The following BAIAP2 variants were observed in gnomAD, a reference collection of about 807,000 sequenced individuals.
BAIAP2 encodes the protein BAR/IMD domain containing adaptor protein 2, also known as BAR/IMD domain-containing adapter protein 2.
In BAIAP2, 18 loss-of-function variants were observed where a neutral mutation model predicts 63.0. That is an observed-to-expected ratio of 0.29 (90% CI 0.20 to 0.42). BAIAP2 has a LOEUF of 0.42. BAIAP2 is among the 10% of genes least tolerant of loss of function. The probability of loss-of-function intolerance (pLI) is 1.00; values close to 1 mark genes in which losing one functional copy is unlikely to be tolerated. For missense variants in BAIAP2, 610 were observed against 734.3 expected, an observed-to-expected ratio of 0.83 and a Z score of 1.96; for synonymous variants, 386 against 307.6, an observed-to-expected ratio of 1.25 and a Z score of -2.67.
intron 4 of BAIAP2, chr17:81,085,160 C>G (rs910211798): frequency 5.4e-6 from 3 of 554,872 alleles, no homozygotes; most frequent in African/African-American, 3.8e-5. Context: ...GATCGCAGCC[C>G]CAGCCAGACC....
chr17:81,108,234 G>A (rs756346649), intron 12 of BAIAP2: 2 of 590,472 alleles, frequency 3.4e-6, no homozygotes, highest in East Asian at 2.8e-5. Context: ...CACACAAATT[G>A]AGGTGGCCGC....
chr17:81,080,573 T>C (rs1193002838), intron 3 of BAIAP2, among the ~76,000 whole-genome samples: 1 of 151,556 alleles, frequency 6.6e-6, no homozygotes, highest in Non-Finnish European at 1.5e-5. Flanking sequence ...CATACTCTTT[T>C]TCTTTTTGGA....
rs529688719 is a variant in BAIAP2 at position 81,092,437 on chromosome 17, G to A, written c.489+5857G>A. 7.9e-5 allele frequency among the ~76,000 whole-genome samples: 12 copies of A among 152,318 alleles called. No homozygotes were observed. The East Asian group carries it at 1.4e-3, about 17-fold the overall frequency. On this transcript the variant is annotated intron_variant, in intron 6 of 13. Transcript: ENST00000428708. The stretch of plus-strand genomic sequence containing the variant: ...GGTGGGGCTGCAGGGAGGGGTGGGC[G>A]TGAGGTTGGCCAGGCCCTGCCCCAG...
intron 6 of BAIAP2, among the ~76,000 whole-genome samples, chr17:81,096,804 A>C (rs983207014): frequency 2.4e-4 from 36 of 152,040 alleles, no homozygotes; most frequent in African/African-American, 8.7e-4. Flanking sequence ...TGGCTGTCGC[A>C]CTCTACCCCT....
intron 1 of BAIAP2, among the ~76,000 whole-genome samples, chr17:81,042,698 G>A (rs1040070624): frequency 1.2e-4 from 18 of 151,894 alleles, no homozygotes; most frequent in Non-Finnish European, 2.5e-4. Context: ...GGAAAACAGC[G>A]ACATCTTGAC....
intron 1 of BAIAP2, among the ~76,000 whole-genome samples, chr17:81,043,957 T>C (rs1239420816): frequency 2.0e-5 from 3 of 152,224 alleles, no homozygotes; most frequent in Admixed American, 6.5e-5. Flanking sequence ...ACTGGGTAAG[T>C]GGTGGCCACG....
chr17:81,056,744 G>A lies in BAIAP2; in HGVS notation c.131-1137G>A, dbSNP rs575006864. On this transcript the variant is annotated intron_variant, in intron 2 of 13. Transcript: ENST00000428708. The stretch of plus-strand genomic sequence containing the variant: ...TGGCCTGGTGGGAATGAGCTCGGCC[G>A]TCCAGGCAGCACCGCCACCTTAGCC... Among the ~76,000 whole-genome samples the A allele has an allele frequency of 8.5e-5, 13 of 152,360 alleles. No homozygotes were observed. In the South Asian group the frequency reaches 1.0e-3, roughly 12 times the overall value.
intron 1 of BAIAP2, chr17:81,036,856 A>G (rs2046344464): frequency 1.3e-6 from 2 of 1,534,966 alleles, no homozygotes; most frequent in African/African-American, 1.4e-5. Flanking sequence ...CTTGTTTGTG[A>G]TTGCAGAGGG....
intron 3 of BAIAP2, among the ~76,000 whole-genome samples, chr17:81,063,157 G>T (rs1327001943): frequency 5.9e-5 from 9 of 152,078 alleles, no homozygotes; most frequent in Admixed American, 5.9e-4. Flanking sequence ...AAGGTGTGAG[G>T]TGGACAGAAA....
chr17:81,075,927 C>T (rs1231159566), intron 3 of BAIAP2, among the ~76,000 whole-genome samples: 1 of 147,288 alleles, frequency 6.8e-6, no homozygotes, highest in Non-Finnish European at 1.5e-5. Flanking sequence ...TTTTTTGGGT[C>T]TGCTGGGAAT....
intron 6 of BAIAP2, chr17:81,087,627 CA>C (rs1283444653): frequency 1.3e-5 from 2 of 152,244 alleles, no homozygotes; most frequent in African/African-American, 4.8e-5. Flanking sequence ...GGGACTAGGC[CA>C]GGGGCAGATG....
At chr17:81,073,436 C>G (rs575159665) in intron 3 of BAIAP2, among the ~76,000 whole-genome samples, 4 of 152,316 alleles carry the variant, frequency 2.6e-5, no homozygotes, top group African/African-American at 9.6e-5. Flanking sequence ...AAGCTGGTCT[C>G]GGGCCGTGCT....
chr17:81,086,388 C>G, intron 5 of BAIAP2, 55 bp from the exon 6 acceptor site: 2 of 1,592,478 alleles, frequency 1.3e-6, no homozygotes, highest in Non-Finnish European at 1.7e-6. Flanking sequence ...GCCAGTGGTC[C>G]GCGCTGCGTT....
chr17:81,077,628 A>G lies in BAIAP2; in HGVS notation c.218-7204A>G, dbSNP rs532503009. Among the ~76,000 whole-genome samples the G allele has an allele frequency of 2.6e-3, 388 of 152,054 alleles. 6 individuals carry two copies. The South Asian group carries it at 0.039, about 15-fold the overall frequency. ...GTGAATTTTTCTCAATTTTAAAAAA[A>G]GAGCCTAATGCTGGGAGGACGGATG... On this transcript the variant is annotated intron_variant, in intron 3 of 13. Coordinates refer to ENST00000428708, the MANE Select transcript of BAIAP2 (RefSeq NM_001144888.2).
intron 1 of BAIAP2, among the ~76,000 whole-genome samples, chr17:81,036,441 G>A (rs1045205259): frequency 9.9e-5 from 15 of 152,250 alleles, no homozygotes; most frequent in African/African-American, 3.4e-4. Flanking sequence ...CGGCCAAGGC[G>A]TGCCTGGCCA....
chr17:81,110,636 T>C, intron 13 of BAIAP2: 1 of 1,240,098 alleles, frequency 8.1e-7, no homozygotes, highest in East Asian at 3.1e-5. Flanking sequence ...AACCTGGGCT[T>C]GCACACGGTG....
At chr17:81,077,333 G>A (rs1482459579) in intron 3 of BAIAP2, among the ~76,000 whole-genome samples, 1 of 152,084 alleles carries the variant, frequency 6.6e-6, no homozygotes, top group African/African-American at 2.4e-5. Flanking sequence ...TTGGGAGGAC[G>A]GGGTGGGTGG....
intron 1 of BAIAP2, among the ~76,000 whole-genome samples, chr17:81,041,960 G>GT (rs1425874337): frequency 6.6e-6 from 1 of 152,112 alleles, no homozygotes; most frequent in Non-Finnish European, 1.5e-5. Flanking sequence ...TTCATGAAGA[G>GT]TTTGACTTCT....
intron 13 of BAIAP2, among the ~76,000 whole-genome samples, chr17:81,115,106 T>G (rs1024533650): frequency 1.3e-5 from 2 of 152,120 alleles, no homozygotes; most frequent in Non-Finnish European, 2.9e-5. Flanking sequence ...CAACTTCTTG[T>G]CTTGAGTCGT....
Sources: allele counts gnomAD v4.1 joint callset (sites outside exome capture counted in the v4.1 genomes callset), GRCh38; gene constraint gnomAD v4.1.1; transcripts MANE v1.5; gene names NCBI Gene and HGNC (gene_info 2026-07-23, HGNC 2026-07-21).